Variants in PACRGL observed in about 807,000 individuals in gnomAD.
PACRGL encodes the protein PACRG-like protein.
A neutral mutation model predicts 34.5 loss-of-function variants in PACRGL; 38 were observed. The ratio of observed to expected loss-of-function variants is 1.10; its 90% CI spans 0.85 to 1.44. The LOEUF (loss-of-function observed/expected upper bound fraction) is 1.44. Among genes scored for constraint, PACRGL ranks in the 40% most tolerant of loss-of-function variants. The pLI is 0.00. For missense variants in PACRGL, 305 were observed against 281.4 expected, an observed-to-expected ratio of 1.08 and a Z score of -0.60; for synonymous variants, 128 against 100.1, an observed-to-expected ratio of 1.28 and a Z score of -1.66.
intron 8 of PACRGL, among the ~76,000 whole-genome samples, chr4:20,742,186 C>G (rs919689572): frequency 6.6e-6 from 1 of 152,102 alleles, no homozygotes; most frequent in Non-Finnish European, 1.5e-5. Flanking sequence ...TTCCAATCAA[C>G]AGAAAAAGAG....
At chr4:20,721,338 C>T (rs1183812896) in intron 7 of PACRGL, among the ~76,000 whole-genome samples, 6 of 152,290 alleles carry the variant, frequency 3.9e-5, no homozygotes, top group Non-Finnish European at 7.3e-5. Context: ...CAAAGTCATT[C>T]TCCGTCCAGC....
chr4:20,722,371 G>A (rs975952442), intron 7 of PACRGL, among the ~76,000 whole-genome samples: 12 of 152,176 alleles, frequency 7.9e-5, no homozygotes, highest in East Asian at 1.9e-4. Context: ...AGATGAACCC[G>A]GTACCTCAGT....
At chr4:20,711,055 C>A (rs879747468) in intron 5 of PACRGL, among the ~76,000 whole-genome samples, 1 of 151,962 alleles carries the variant, frequency 6.6e-6, no homozygotes. Flanking sequence ...TCACATTAGC[C>A]AGGCACAGTA....
intron 8 of PACRGL, among the ~76,000 whole-genome samples, chr4:20,744,664 T>A (rs994028493): frequency 5.9e-5 from 9 of 152,046 alleles, no homozygotes; most frequent in African/African-American, 2.2e-4. Flanking sequence ...AAATAAATAA[T>A]GTAAATGACG....
intron 8 of PACRGL, among the ~76,000 whole-genome samples, chr4:20,737,598 G>A (rs78230230): frequency 0.061 from 9,290 of 152,146 alleles, 337 homozygotes; most frequent in Admixed American, 0.098. Context: ...GTTTCTGTCC[G>A]ATAGCTTTAG....
At position 20,744,851 on chromosome 4, in the gene PACRGL, A is replaced by C. The variant is rs938174968; in HGVS notation, c.*57-7714A>C. On this transcript the variant is annotated intron_variant, in intron 8 of 8. Transcript: ENST00000507634. The stretch of plus-strand genomic sequence containing the variant: ...TGTTGTTTGCCTCCCTAGCCCTAGT[A>C]GGTCCCAAATTTCCATTTGGTGCTC... 2.6e-5 allele frequency among the ~76,000 whole-genome samples: 4 copies of C among 152,330 alleles called. No homozygotes were observed. In the East Asian group the frequency reaches 7.7e-4, roughly 29 times the overall value.
At chr4:20,737,823 A>G (rs1450088766) in intron 8 of PACRGL, among the ~76,000 whole-genome samples, 1 of 152,236 alleles carries the variant, frequency 6.6e-6, no homozygotes, top group African/African-American at 2.4e-5. Flanking sequence ...CCTTGGAGGT[A>G]TGAGTGTACA....
Position 20,714,596 on chromosome 4 carries a change from A to G in PACRGL, c.609+1057A>G, listed in dbSNP as rs549695733. Among the ~76,000 whole-genome samples, 9 of 152,232 alleles carry G rather than the reference A, an allele frequency of 5.9e-5. No individual in the cohort carries two copies. In the South Asian group the frequency reaches 1.2e-3, roughly 21 times the overall value. Reference sequence around the variant, plus strand: ...GTTGATGCAGTTTCTTCCTAGCCTCAGTGGTCTTTACAATTTGGCATGATT... The same window carrying G: ...GTTGATGCAGTTTCTTCCTAGCCTCGGTGGTCTTTACAATTTGGCATGATT... On this transcript the variant is annotated intron_variant, in intron 7 of 8. Coordinates refer to ENST00000503585, the MANE Select transcript of PACRGL (RefSeq NM_001258345.3).
chr4:20,747,970 T>A (rs1360156033), intron 8 of PACRGL, among the ~76,000 whole-genome samples: 1 of 152,234 alleles, frequency 6.6e-6, no homozygotes, highest in African/African-American at 2.4e-5. Context: ...CAATTTTGTT[T>A]TAATTTCTTT....
intron 5 of PACRGL, 21 bp from the exon 6 acceptor site, chr4:20,712,767 T>C (rs747387082): frequency 4.9e-6 from 7 of 1,442,182 alleles, no homozygotes; most frequent in Non-Finnish European, 6.5e-6. Flanking sequence ...GTAAATCATG[T>C]TTCCTCTTGG....
upstream of PACRGL, among the ~76,000 whole-genome samples, chr4:20,697,243 A>G (rs555658526): frequency 2.6e-5 from 4 of 152,328 alleles, no homozygotes; most frequent in South Asian, 8.3e-4. Flanking sequence ...ACATTTCTCA[A>G]TGATAGGACT....
chr4:20,707,667 A>C, intron 3 of PACRGL, 136 bp from the exon 4 acceptor site: 1 of 697,504 alleles, frequency 1.4e-6, no homozygotes, highest in Non-Finnish European at 2.6e-6. Flanking sequence ...GAGAGGATTG[A>C]CAGTTTTTCT....
the PACRGL span, among the ~76,000 whole-genome samples, chr4:20,763,334 A>C: frequency 6.6e-6 from 1 of 152,178 alleles, no homozygotes; most frequent in African/African-American, 2.4e-5. Context: ...TCTTATTCAC[A>C]TAACAATCTT....
At chr4:20,726,117 C>T (rs899782301) in intron 8 of PACRGL, among the ~76,000 whole-genome samples, 5 of 151,746 alleles carry the variant, frequency 3.3e-5, no homozygotes, top group African/African-American at 1.2e-4. Flanking sequence ...GGAAATGGGA[C>T]AAGTAGAAAG....
chr4:20,717,595 T>G (rs1740763923), intron 7 of PACRGL, among the ~76,000 whole-genome samples: 1 of 152,226 alleles, frequency 6.6e-6, no homozygotes, highest in Non-Finnish European at 1.5e-5. Context: ...TAGGGAATCC[T>G]TTCCCCATTG....
downstream of PACRGL, chr4:20,734,697 T>C (rs1451248655): frequency 7.5e-6 from 12 of 1,598,858 alleles, no homozygotes; most frequent in South Asian, 1.1e-5. Context: ...TTTCTTGTAC[T>C]GTCCCCCGGA....
chr4:20,722,421 C>G (rs1743776789), intron 7 of PACRGL, among the ~76,000 whole-genome samples: 1 of 152,242 alleles, frequency 6.6e-6, no homozygotes. Flanking sequence ...GTCACTCACG[C>G]TGGGAGCTGT....
chr4:20,744,576 T>C (rs985384797), intron 8 of PACRGL, among the ~76,000 whole-genome samples: 7 of 151,658 alleles, frequency 4.6e-5, no homozygotes, highest in African/African-American at 1.7e-4. Flanking sequence ...ATGAGAACAC[T>C]TGGACATAGG....
intron 8 of PACRGL, among the ~76,000 whole-genome samples, chr4:20,737,991 G>T (rs923657067): frequency 6.6e-6 from 1 of 152,054 alleles, no homozygotes; most frequent in Non-Finnish European, 1.5e-5. Context: ...AATTAACTGG[G>T]TATGGTGGTG....
Sources: allele counts gnomAD v4.1 joint callset (sites outside exome capture counted in the v4.1 genomes callset), GRCh38; gene constraint gnomAD v4.1.1; transcripts MANE v1.5; gene names NCBI Gene and HGNC (gene_info 2026-07-23, HGNC 2026-07-21).